The following GRIK2 variants were observed in gnomAD, a reference collection of about 807,000 sequenced individuals.
GRIK2 encodes glutamate ionotropic receptor kainate type subunit 2.
A neutral mutation model predicts 100.3 loss-of-function variants in GRIK2; 32 were observed. That is an observed-to-expected ratio of 0.32 (90% confidence interval 0.24 to 0.43). The LOEUF (loss-of-function observed/expected upper bound fraction) is 0.43. Among genes scored for constraint, GRIK2 ranks in the 20% least tolerant of loss-of-function variants. The pLI, the probability that GRIK2 is intolerant of heterozygous loss-of-function variation, is 1.00. For synonymous variants in GRIK2, 417 were observed against 389.4 expected (o/e 1.07, Z -0.83); for missense variants, 843 against 1,114.9 (o/e 0.76, Z 3.47).
chr6:101,437,664 A>G (rs1769808173), intron 2 of GRIK2, among the ~76,000 whole-genome samples: 1 of 152,132 alleles, frequency 6.6e-6, no homozygotes, highest in African/African-American at 2.4e-5. Flanking sequence ...TACAGTACAT[A>G]CAGTATAATA....
At chr6:101,592,898 A>G (rs931382344) in intron 2 of GRIK2, among the ~76,000 whole-genome samples, 2 of 151,804 alleles carry the variant, frequency 1.3e-5, no homozygotes, top group African/African-American at 4.8e-5. Flanking sequence ...CAGATGCTGT[A>G]AGGAATTACA....
At chr6:101,424,047 A>C (rs12194114) in intron 2 of GRIK2, among the ~76,000 whole-genome samples, 90,735 of 151,972 alleles carry the variant, frequency 0.6, 27,149 homozygotes, top group Admixed American at 0.63. Flanking sequence ...CCTATGGAAA[A>C]TATATGTATT....
intron 14 of GRIK2, among the ~76,000 whole-genome samples, chr6:102,035,125 A>G (rs1294189408): frequency 6.6e-6 from 1 of 150,648 alleles, no homozygotes; most frequent in Non-Finnish European, 1.5e-5. Context: ...AAATAAATCT[A>G]TACTATACCT....
intron 10 of GRIK2, among the ~76,000 whole-genome samples, chr6:101,846,741 C>A (rs1278605387): frequency 6.6e-6 from 1 of 151,970 alleles, no homozygotes; most frequent in African/African-American, 2.4e-5. Context: ...GTTTTGATAG[C>A]AGTGTCTCTG....
chr6:101,521,175 G>C (rs1235829714), intron 2 of GRIK2, among the ~76,000 whole-genome samples: 2 of 151,912 alleles, frequency 1.3e-5, no homozygotes, highest in African/African-American at 4.8e-5. Context: ...CAGTTTCAAA[G>C]ATAAATGTCA....
intron 7 of GRIK2, among the ~76,000 whole-genome samples, chr6:101,687,437 A>G (rs929874351): frequency 6.6e-6 from 1 of 151,976 alleles, no homozygotes; most frequent in Non-Finnish European, 1.5e-5. Context: ...TATAAACAAA[A>G]ACATCCTCTA....
intron 14 of GRIK2, among the ~76,000 whole-genome samples, chr6:101,933,850 A>AT (rs1199277331): frequency 6.6e-6 from 1 of 151,962 alleles, no homozygotes; most frequent in Admixed American, 6.6e-5. Context: ...GTTAAAAGTC[A>AT]TTGATTTTGA....
chr6:101,643,904 G>A lies in GRIK2; in HGVS notation c.541+17267G>A, dbSNP rs183276401. On this transcript the variant is annotated intron_variant, in intron 4 of 16. Coordinates refer to ENST00000369134, the MANE Select transcript of GRIK2 (RefSeq NM_021956.5). The stretch of plus-strand genomic sequence containing the variant: ...ACAACATTTATTTGTCAATTTATTA[G>A]TCTATTTAGTAGCCAATCAACTAAC... Among the ~76,000 whole-genome samples the A allele has an allele frequency of 6.8e-3, 1,025 of 151,670 alleles. 10 individuals are homozygous for A. The highest frequency in any genetic ancestry group is 0.023 in the African/African-American group (946 of 41,484).
intron 2 of GRIK2, among the ~76,000 whole-genome samples, chr6:101,564,400 CA>C (rs1380869805): frequency 1.3e-5 from 2 of 152,132 alleles, no homozygotes; most frequent in Non-Finnish European, 2.9e-5. Context: ...GAGACTGTAT[CA>C]AAGCCTTTTT....
At chr6:101,532,538 C>CTTT (rs34312287) in intron 2 of GRIK2, among the ~76,000 whole-genome samples, 24,147 of 146,052 alleles carry the variant, frequency 0.17, 2,327 homozygotes, top group South Asian at 0.31. Context: ...CTGGGGAGAC[C>CTTT]TTTTTTTTTT....
intron 7 of GRIK2, among the ~76,000 whole-genome samples, chr6:101,737,374 A>G (rs1393618332): frequency 6.6e-6 from 1 of 152,238 alleles, no homozygotes; most frequent in African/African-American, 2.4e-5. Context: ...AAAGAAGTGT[A>G]ATGGACTTAT....
chr6:101,741,850 C>T (rs1776049715), intron 7 of GRIK2, among the ~76,000 whole-genome samples: 1 of 152,176 alleles, frequency 6.6e-6, no homozygotes, highest in African/African-American at 2.4e-5. Context: ...CACACAACTA[C>T]ACCAAAAAAG....
At chr6:101,836,661 A>ATATTTT (rs1246261796) in intron 10 of GRIK2, among the ~76,000 whole-genome samples, 82 of 57,820 alleles carry the variant, frequency 1.4e-3, no homozygotes, top group Non-Finnish European at 2.1e-3. Flanking sequence ...ATATATATAT[A>ATATTTT]TTTTTTTTTT....
At chr6:101,842,155 A>G (rs1783544629) in intron 10 of GRIK2, among the ~76,000 whole-genome samples, 1 of 152,180 alleles carries the variant, frequency 6.6e-6, no homozygotes, top group Non-Finnish European at 1.5e-5. Context: ...ATTAAAACAT[A>G]ATAAATGGTG....
At chr6:101,419,207 C>G (rs999215040) in intron 2 of GRIK2, among the ~76,000 whole-genome samples, 8 of 152,112 alleles carry the variant, frequency 5.3e-5, no homozygotes, top group Non-Finnish European at 1.2e-4. Flanking sequence ...ATCTATTCTC[C>G]CCATGGATGT....
intron 7 of GRIK2, among the ~76,000 whole-genome samples, chr6:101,701,787 T>C (rs1018854380): frequency 6.6e-6 from 1 of 152,064 alleles, no homozygotes; most frequent in African/African-American, 2.4e-5. Context: ...ATAGATATTA[T>C]GTACTGTAGC....
chr6:101,774,156 G>A (rs1778589750), intron 7 of GRIK2, among the ~76,000 whole-genome samples: 1 of 151,970 alleles, frequency 6.6e-6, no homozygotes, highest in Non-Finnish European at 1.5e-5. Context: ...TTGAACTCAT[G>A]GACCTAAATT....
chr6:101,819,850 A>G (rs895593428), intron 10 of GRIK2, among the ~76,000 whole-genome samples: 4 of 152,176 alleles, frequency 2.6e-5, no homozygotes, highest in African/African-American at 9.7e-5. Context: ...TTGAACAAGG[A>G]CAACATCAAC....
intron 14 of GRIK2, among the ~76,000 whole-genome samples, chr6:101,975,629 C>T (rs939537758): frequency 1.4e-4 from 21 of 151,700 alleles, no homozygotes; most frequent in African/African-American, 5.1e-4. Context: ...ATAGAAACAG[C>T]ATGTGTGAAA....
Sources: allele counts gnomAD v4.1 joint callset (sites outside exome capture counted in the v4.1 genomes callset), GRCh38; gene constraint gnomAD v4.1.1; transcripts MANE v1.5; gene names NCBI Gene and HGNC (gene_info 2026-07-23, HGNC 2026-07-21).